The following PDE3A variants were observed in gnomAD, a reference collection of about 807,000 sequenced individuals.
The protein encoded by PDE3A is phosphodiesterase 3A.
In PDE3A, 43 loss-of-function variants were observed where a neutral mutation model predicts 98.3. The observed-to-expected ratio is 0.44, with a 90% CI of 0.34 to 0.56. PDE3A has a LOEUF of 0.56. Among genes scored for constraint, PDE3A ranks in the 20% least tolerant of loss-of-function variants. PDE3A has a pLI of 0.01. For synonymous variants in PDE3A, 663 were observed against 567.9 expected (o/e 1.17, Z -2.38); for missense variants, 1,427 against 1,440.7 (o/e 0.99, Z 0.15).
chr12:20,635,444 G>T lies in PDE3A; in HGVS notation c.2001+388G>T, dbSNP rs547737473. On this transcript the variant is annotated intron_variant, in intron 8 of 15. Coordinates refer to ENST00000359062, the MANE Select transcript of PDE3A (RefSeq NM_000921.5). ...ATTACCAAAATTAGCCGGGCGTGGT[G>T]GCACGCACCTGTATTCCCAGCTACG... Among the ~76,000 whole-genome samples, 62 of 152,194 alleles carry T rather than the reference G, an allele frequency of 4.1e-4. No homozygotes were observed. The Middle Eastern group carries it at 0.01, about 25-fold the overall frequency.
intron 14 of PDE3A, 68 bp from the exon 15 acceptor site, chr12:20,653,879 G>T: frequency 2.0e-6 from 3 of 1,523,634 alleles, no homozygotes; most frequent in Non-Finnish European, 2.7e-6. Context: ...ATTAATGCCT[G>T]GGGTTTTACA....
chr12:20,464,460 T>C (rs535311344), intron 1 of PDE3A, among the ~76,000 whole-genome samples: 92 of 152,326 alleles, frequency 6.0e-4, no homozygotes, highest in African/African-American at 2.2e-3. Context: ...AGTTGTTTTT[T>C]CCCATTGCTT....
At chr12:20,630,959 A>G (rs1297661609) in intron 6 of PDE3A, among the ~76,000 whole-genome samples, 1 of 152,140 alleles carries the variant, frequency 6.6e-6, no homozygotes, top group East Asian at 1.9e-4. Context: ...TTCTAGTATC[A>G]AATATTACCT....
intron 2 of PDE3A, among the ~76,000 whole-genome samples, chr12:20,583,663 T>TA (rs1943124491): frequency 6.6e-6 from 1 of 152,206 alleles, no homozygotes; most frequent in African/African-American, 2.4e-5. Context: ...ATAAGAGGAC[T>TA]AATGAAATAA....
At chr12:20,566,201 G>A (rs1300269458) in intron 2 of PDE3A, among the ~76,000 whole-genome samples, 1 of 151,828 alleles carries the variant, frequency 6.6e-6, no homozygotes, top group African/African-American at 2.4e-5. Flanking sequence ...TTGCTTTTTG[G>A]CGGAGTTTTT....
chr12:20,673,681 C>G (rs376211073), intron 15 of PDE3A, among the ~76,000 whole-genome samples: 23 of 135,936 alleles, frequency 1.7e-4, no homozygotes, highest in East Asian at 1.6e-3. Flanking sequence ...AGGGGAATAT[C>G]ACACTGGGGA....
intron 1 of PDE3A, among the ~76,000 whole-genome samples, chr12:20,418,908 C>T (rs1031185018): frequency 2.0e-5 from 3 of 151,938 alleles, no homozygotes; most frequent in East Asian, 1.9e-4. Flanking sequence ...CTTAATATTC[C>T]GTATATGACT....
At chr12:20,456,144 G>C (rs533019939) in intron 1 of PDE3A, among the ~76,000 whole-genome samples, 2 of 152,072 alleles carry the variant, frequency 1.3e-5, no homozygotes, top group African/African-American at 4.8e-5. Flanking sequence ...GCACTCCTTC[G>C]ATGAGCAGGA....
At position 20,684,572 on chromosome 12, in the gene PDE3A, G is replaced by A. The variant is rs1945900044; in HGVS notation, c.*4301G>A. Reference sequence around the variant, plus strand: ...GAAGCCAAACTGAGTTTATTTCATTGATCGAACAAGCAGCAACACATTTTA... The same window carrying A: ...GAAGCCAAACTGAGTTTATTTCATTAATCGAACAAGCAGCAACACATTTTA... On this transcript the variant is annotated 3_prime_UTR_variant, in exon 16 of 16. Transcript: ENST00000359062. Among the ~76,000 whole-genome samples the A allele has an allele frequency of 6.6e-6, 1 of 152,146 alleles. No homozygotes were observed.
chr12:20,585,105 G>T (rs1048186661), intron 2 of PDE3A, among the ~76,000 whole-genome samples: 1 of 152,018 alleles, frequency 6.6e-6, no homozygotes, highest in Admixed American at 6.6e-5. Flanking sequence ...TGATTATGTC[G>T]GAGGATTTCT....
At chr12:20,671,478 G>A (rs1945480378) in intron 15 of PDE3A, among the ~76,000 whole-genome samples, 1 of 100,492 alleles carries the variant, frequency 1.0e-5, no homozygotes, top group Non-Finnish European at 2.5e-5. Context: ...GAATCCAGCA[G>A]CACATCAAAA....
At chr12:20,572,523 T>TATA (rs1212782382) in intron 2 of PDE3A, among the ~76,000 whole-genome samples, 2 of 152,112 alleles carry the variant, frequency 1.3e-5, no homozygotes, top group Non-Finnish European at 2.9e-5. Flanking sequence ...CATGAAACTT[T>TATA]ATAATCCTTA....
chr12:20,573,767 C>G (rs192433438), intron 2 of PDE3A, among the ~76,000 whole-genome samples: 145 of 152,004 alleles, frequency 9.5e-4, no homozygotes, highest in Non-Finnish European at 1.6e-3. Context: ...ATTTGCTAAA[C>G]CTGAATTTTA....
chr12:20,453,467 A>G (rs1340194005), intron 1 of PDE3A, among the ~76,000 whole-genome samples: 1 of 152,054 alleles, frequency 6.6e-6, no homozygotes, highest in Non-Finnish European at 1.5e-5. Context: ...GCATTGAGCC[A>G]CTGTGCCTGG....
intron 1 of PDE3A, among the ~76,000 whole-genome samples, chr12:20,418,138 T>A (rs1024276998): frequency 1.3e-5 from 2 of 152,182 alleles, no homozygotes; most frequent in African/African-American, 2.4e-5. Flanking sequence ...TAGAAAGAAG[T>A]TGGCTTATGA....
At chr12:20,465,644 C>A (rs913761980) in intron 1 of PDE3A, among the ~76,000 whole-genome samples, 1 of 151,994 alleles carries the variant, frequency 6.6e-6, no homozygotes, top group Non-Finnish European at 1.5e-5. Flanking sequence ...CTCCTGACCC[C>A]GTAATCTGCC....
chr12:20,370,100 GT>G lies in PDE3A; in HGVS notation c.817del (p.Ser273ProfsTer3). On this transcript the variant is annotated frameshift_variant, in exon 1 of 16. Coordinates refer to ENST00000359062, the MANE Select transcript of PDE3A (RefSeq NM_000921.5). LOFTEE classifies it high-confidence loss of function. ...AEAAPREHLGSQLIAGTKEDI... is the reference protein window; with the variant it reads ...AEAAPREHLGXQLIAGTKEDI... The stretch of plus-strand genomic sequence containing the variant: ...AGGCGGCTCCAAGGGAGCATTTGGG[GT>G]CCCAGCTGATTGCTGGGACCAAGGA... The G allele has an allele frequency of 6.2e-7, 1 of 1,613,266 alleles. No individual in the cohort carries two copies. Among genetic ancestry groups the G allele is most frequent in the Non-Finnish European group, 8.5e-7 (1 of 1,179,918 alleles).
rs1025663389 is a variant in PDE3A at position 20,369,983 on chromosome 12, G to A, written c.699G>A (p.Lys233=). The change falls in exon 1 of 16, where the codon AAG becomes AAA. Residue 233 remains lysine, a synonymous_variant. Coordinates refer to ENST00000359062, the MANE Select transcript of PDE3A (RefSeq NM_000921.5). Reference sequence around the variant, plus strand: ...CCCTCATTTCCTTAGAGAGGTTCAAGGTCGCCTGGAGACCTTACCTGGCGT... The same window carrying A: ...CCCTCATTTCCTTAGAGAGGTTCAAAGTCGCCTGGAGACCTTACCTGGCGT... ...TVSLISLERF[K]VAWRPYLAYL... The A allele has an allele frequency of 1.2e-6, 2 of 1,613,334 alleles. No individual in the cohort carries two copies. The highest frequency in any genetic ancestry group is 1.7e-6 in the Non-Finnish European group (2 of 1,180,014).
intron 4 of PDE3A, among the ~76,000 whole-genome samples, 195 bp downstream of exon 4, chr12:20,616,579 T>C (rs1944013174): frequency 1.3e-5 from 2 of 152,206 alleles, no homozygotes; most frequent in Non-Finnish European, 2.9e-5. Flanking sequence ...ACATCTGTTG[T>C]GTGGCCTTAT....
Sources: gnomAD v4.1 joint callset for allele counts (sites outside exome capture counted in the v4.1 genomes callset) on GRCh38, gnomAD v4.1.1 for gene constraint, MANE v1.5 for transcripts, NCBI Gene and HGNC (gene_info 2026-07-23, HGNC 2026-07-21) for gene names.